The following CEP350 variants were observed in gnomAD, a reference collection of about 807,000 sequenced individuals.
CEP350 encodes the protein centrosome-associated protein 350.
In CEP350, 126 loss-of-function variants were observed where a neutral mutation model predicts 331.8. That is an observed-to-expected ratio of 0.38 (90% confidence interval 0.33 to 0.44). The LOEUF is 0.44. Ranked by LOEUF, CEP350 falls within the 20% of genes least tolerant of loss-of-function variation. The probability of loss-of-function intolerance (pLI) is 1.00; values close to 1 mark genes in which losing one functional copy is unlikely to be tolerated. For missense variants in CEP350, 3,406 were observed against 3,634.6 expected, an observed-to-expected ratio of 0.94 and a Z score of 1.62; for synonymous variants, 1,200 against 1,259.5, an observed-to-expected ratio of 0.95 and a Z score of 1.00.
At chr1:180,034,714 G>A (rs938878124) in intron 16 of CEP350, among the ~76,000 whole-genome samples, 4 of 152,160 alleles carry the variant, frequency 2.6e-5, no homozygotes, top group Non-Finnish European at 4.4e-5. Context: ...GTTTAAGAGG[G>A]CAGACTTAGT....
In CEP350 at chr1:180,003,155, T is replaced by C. The variant is rs1653981465; in HGVS notation, c.1019-19T>C. ...AAGCAACTTTGATAAGAATATTCTG[T>C]GTTACTGGTATGTATTAGGTTTCAA... is the stretch of plus-strand genomic sequence containing the variant. On this transcript the variant is annotated intron_variant, in intron 6 of 37. Coordinates refer to ENST00000367607, the MANE Select transcript of CEP350 (RefSeq NM_014810.5). 8 of 1,475,282 alleles carry C rather than the reference T, an allele frequency of 5.4e-6. No individual in the cohort carries two copies. The highest frequency in any genetic ancestry group is 1.4e-5 in the African/African-American group (1 of 71,756). The allele number at this position is 1,475,282 out of a possible 1,614,324, so 91.4% of individuals were successfully genotyped here. A position where few individuals can be genotyped will look rare whatever the true frequency, so the allele number is the denominator to read the frequency against.
chr1:179,974,079 G>GTTTGT (rs945226090), intron 1 of CEP350, among the ~76,000 whole-genome samples: 13 of 116,506 alleles, frequency 1.1e-4, no homozygotes, highest in Non-Finnish European at 2.3e-4. Context: ...GTGTTTGTTT[G>GTTTGT]TTTGTTTTGT....
Position 180,092,754 on chromosome 1 carries a change from G to A in CEP350, c.6649G>A (p.Glu2217Lys), listed in dbSNP as rs145193310. Reference protein sequence around the residue: ...PVLRSSRKIREESGDSLENVP... With the variant: ...PVLRSSRKIRKESGDSLENVP... Reference sequence around the variant, plus strand: ...TCTCAGATCATCAAGGAAAATCAGAGAAGAATCTGGAGATTCTCTAGAAAA... The same window carrying A: ...TCTCAGATCATCAAGGAAAATCAGAAAAGAATCTGGAGATTCTCTAGAAAA... The change falls in exon 34 of 38, where the codon GAA becomes AAA. Residue 2217 changes from glutamate to lysine, a missense_variant. Coordinates refer to ENST00000367607, the MANE Select transcript of CEP350 (RefSeq NM_014810.5). 1 of 1,597,388 alleles carries A rather than the reference G, an allele frequency of 6.3e-7. No individual in the cohort carries two copies. Among genetic ancestry groups the A allele is most frequent in the African/African-American group, 1.3e-5 (1 of 74,810 alleles).
intron 1 of CEP350, among the ~76,000 whole-genome samples, chr1:179,965,160 AAGTT>A (rs576275836): frequency 2.6e-4 from 39 of 152,224 alleles, no homozygotes; most frequent in Middle Eastern, 3.4e-3. Context: ...TTGTTTAACC[AAGTT>A]AGTTAGGAGC....
intron 37 of CEP350, among the ~76,000 whole-genome samples, chr1:180,100,090 A>T (rs902756737): frequency 3.9e-5 from 6 of 152,168 alleles, no homozygotes; most frequent in African/African-American, 1.2e-4. Context: ...CCAGTGTCTT[A>T]TGCCTTATTT....
chr1:180,057,953 G>A (rs1164676429), intron 25 of CEP350, among the ~76,000 whole-genome samples: 1 of 152,194 alleles, frequency 6.6e-6, no homozygotes, highest in African/African-American at 2.4e-5. Flanking sequence ...CTGCTTTGAG[G>A]AGAATGTGAG....
intron 21 of CEP350, among the ~76,000 whole-genome samples, chr1:180,045,413 G>A (rs193212146): frequency 6.6e-6 from 1 of 152,208 alleles, no homozygotes; most frequent in African/African-American, 2.4e-5. Context: ...TTTCAATTAT[G>A]GTTCCATCTT....
chr1:180,071,013 C>T (rs372491297), intron 27 of CEP350, among the ~76,000 whole-genome samples: 173 of 151,092 alleles, frequency 1.1e-3, no homozygotes, highest in African/African-American at 2.4e-3. Context: ...CTGGGCATGG[C>T]GGCGCGTGCC....
At chr1:180,027,813 A>G (rs896551588) in intron 14 of CEP350, among the ~76,000 whole-genome samples, 1 of 152,164 alleles carries the variant, frequency 6.6e-6, no homozygotes, top group Non-Finnish European at 1.5e-5. Context: ...ACCTTTATGC[A>G]TTAGTCTGTT....
rs1190877415 is a variant in CEP350, at chr1:180,114,234, AGT to A, written c.*3078_*3079del. 2.0e-5 allele frequency: 3 copies of A among 152,670 alleles called. No homozygotes were observed. Among genetic ancestry groups the A allele is most frequent in the Admixed American group, 6.5e-5 (1 of 15,284 alleles). The allele number at this position is 152,670 out of a possible 1,614,324, so 9.5% of individuals were successfully genotyped here. A position where few individuals can be genotyped will look rare whatever the true frequency, so the allele number is the denominator to read the frequency against. ...TTAGCTTTTTGCAATACTTGAATAA[AGT>A]GTGTACTCGCAAAAGAATTTCTGTA... On this transcript the variant is annotated 3_prime_UTR_variant, in exon 38 of 38. Coordinates refer to ENST00000367607, the MANE Select transcript of CEP350 (RefSeq NM_014810.5).
At chr1:180,053,197 G>T (rs758460208) in intron 23 of CEP350, 31 bp downstream of exon 23, 9 of 1,290,982 alleles carry the variant, frequency 7.0e-6, no homozygotes, top group Non-Finnish European at 9.5e-6. Flanking sequence ...GGAGGTAAAT[G>T]GTTGTGGATA....
Position 180,084,425 on chromosome 1 carries a change from C to T in CEP350, c.6285+247C>T, listed in dbSNP as rs138275857. 1.4e-3 allele frequency: 369 copies of T among 257,342 alleles called. 1 individual carries two copies. The highest frequency in any genetic ancestry group is 5.7e-3 in the African/African-American group (250 of 44,134). The allele number at this position is 257,342 out of a possible 1,614,324, so 15.9% of individuals were successfully genotyped here. On this transcript the variant is annotated intron_variant, in intron 31 of 37. Transcript: ENST00000367607. ...TGTCGCCTAGGCTGGAGTGCAGTGG[C>T]GCGATCTCTGCTCACTGCAAGATCC... is the stretch of plus-strand genomic sequence containing the variant.
intron 1 of CEP350, among the ~76,000 whole-genome samples, chr1:179,958,286 A>T (rs892005597): frequency 6.6e-6 from 1 of 152,152 alleles, no homozygotes; most frequent in Non-Finnish European, 1.5e-5. Context: ...CCCTATCAAG[A>T]TTAAAAGTAT....
chr1:180,005,494 G>A lies in CEP350; in HGVS notation c.1133-960G>A, dbSNP rs369437480. ...CACTTCCATTACCACCACCTAGATC[G>A]AGGCCACCATCAGTTTCCTATCTGG... On this transcript the variant is annotated intron_variant, in intron 7 of 37. Coordinates refer to ENST00000367607, the MANE Select transcript of CEP350 (RefSeq NM_014810.5). Among the ~76,000 whole-genome samples the A allele has an allele frequency of 2.3e-4, 35 of 151,644 alleles. No individual in the cohort carries two copies. The South Asian group carries it at 6.3e-3, about 27-fold the overall frequency.
chr1:179,999,940 G>T (rs1653751156), intron 6 of CEP350, among the ~76,000 whole-genome samples: 1 of 152,034 alleles, frequency 6.6e-6, no homozygotes. Flanking sequence ...TACTATATTT[G>T]GTTGTTTGCA....
chr1:180,094,953 T>C (rs962815153), intron 34 of CEP350, among the ~76,000 whole-genome samples: 1 of 152,256 alleles, frequency 6.6e-6, no homozygotes, highest in Non-Finnish European at 1.5e-5. Flanking sequence ...CCAGATTCAC[T>C]GAACAAATTC....
At chr1:179,967,915 T>C (rs1043151037) in intron 1 of CEP350, among the ~76,000 whole-genome samples, 1 of 152,214 alleles carries the variant, frequency 6.6e-6, no homozygotes, top group South Asian at 2.1e-4. Flanking sequence ...TGGCTTCATA[T>C]GTGTATTTGT....
At chr1:179,961,323 C>A (rs1173296717) in intron 1 of CEP350, among the ~76,000 whole-genome samples, 1 of 152,050 alleles carries the variant, frequency 6.6e-6, no homozygotes, top group Non-Finnish European at 1.5e-5. Context: ...TGGCGCGCAC[C>A]TGTAATCCCA....
intron 14 of CEP350, 68 bp from the exon 15 acceptor site, chr1:180,031,252 T>C (rs1656002124): frequency 1.1e-6 from 1 of 872,962 alleles, no homozygotes; most frequent in Non-Finnish European, 1.8e-6. Flanking sequence ...TTGAAATCTA[T>C]ATATCAATTA....
Sources: allele counts gnomAD v4.1 joint callset (sites outside exome capture counted in the v4.1 genomes callset), GRCh38; gene constraint gnomAD v4.1.1; transcripts MANE v1.5; gene names NCBI Gene and HGNC (gene_info 2026-07-23, HGNC 2026-07-21).